RELN: variants seen among roughly 807,000 people sequenced by gnomAD.
RELN encodes the protein reelin.
RELN carries 108 observed loss-of-function variants against 427.6 expected under a neutral mutation model. The ratio of observed to expected loss-of-function variants is 0.25; its 90% CI spans 0.22 to 0.30. The LOEUF (loss-of-function observed/expected upper bound fraction) is 0.30, where lower values mean the gene tolerates loss of function less well. Among genes scored for constraint, RELN ranks in the 10% least tolerant of loss-of-function variants. The pLI is 1.00. For synonymous variants in RELN, 1,524 were observed against 1,513.4 expected, an observed-to-expected ratio of 1.01 and a Z score of -0.16; for missense variants, 3,715 against 4,302.8, an observed-to-expected ratio of 0.86 and a Z score of 3.82.
intron 48 of RELN, among the ~76,000 whole-genome samples, chr7:103,520,957 A>ATTTTTTTTTTTTTTTT (rs55830035): frequency 5.0e-5 from 4 of 79,210 alleles, no homozygotes; most frequent in South Asian, 4.6e-4. Context: ...TAAATTTGTT[A>ATTTTTTTTTTTTTTTT]TTTTTTTTTT....
chr7:103,608,830 G>A (rs2117284417), intron 22 of RELN, among the ~76,000 whole-genome samples: 1 of 152,262 alleles, frequency 6.6e-6, no homozygotes, highest in Admixed American at 6.5e-5. Flanking sequence ...AACCTGCAAA[G>A]GCTTTTCTGA....
rs182147708 is a variant in RELN at position 103,738,565 on chromosome 7, C to A, written c.657-10358G>T. On this transcript the variant is annotated intron_variant, in intron 6 of 64. Coordinates refer to ENST00000428762, the MANE Select transcript of RELN (RefSeq NM_005045.4). Reference sequence around the variant, plus strand: ...TGCCCTTTACCAGTCAACTCTCTGTCCCCGAAACAACTACTGATCTTATTT... The same window carrying A: ...TGCCCTTTACCAGTCAACTCTCTGTACCCGAAACAACTACTGATCTTATTT... Among the ~76,000 whole-genome samples, 90 of 151,970 alleles carry A rather than the reference C, an allele frequency of 5.9e-4. 1 individual carries two copies. Among genetic ancestry groups the A allele is most frequent in the South Asian group, 1.9e-3 (9 of 4,780 alleles).
chr7:103,674,259 T>G (rs1833460903), intron 11 of RELN, among the ~76,000 whole-genome samples: 1 of 152,204 alleles, frequency 6.6e-6, no homozygotes, highest in Admixed American at 6.5e-5. Flanking sequence ...CTCATAAAAT[T>G]TGTTCTAATT....
At chr7:103,907,414 GGAAAAAAAAAAAAAAAA>G (rs1372542929) in intron 2 of RELN, among the ~76,000 whole-genome samples, 12 of 39,714 alleles carry the variant, frequency 3.0e-4, no homozygotes, top group South Asian at 2.0e-3. Flanking sequence ...TCAAGGCTCT[GGAAAAAAAAAAAAAAAA>G]AAAAAAAAAA....
At chr7:103,921,903 A>G (rs190342438) in intron 1 of RELN, among the ~76,000 whole-genome samples, 2 of 152,146 alleles carry the variant, frequency 1.3e-5, no homozygotes, top group African/African-American at 4.8e-5. Flanking sequence ...TGCAGGTTCA[A>G]ATGTCATCTC....
At chr7:103,720,173 TTGTGTGTGTG>T (rs72036005) in intron 8 of RELN, among the ~76,000 whole-genome samples, 11 of 145,592 alleles carry the variant, frequency 7.6e-5, no homozygotes, top group South Asian at 4.4e-4. Context: ...TGTATAAACA[TTGTGTGTGTG>T]TGTGTGTGTG....
At chr7:103,658,588 C>T (rs1428991437) in intron 12 of RELN, among the ~76,000 whole-genome samples, 1 of 152,090 alleles carries the variant, frequency 6.6e-6, no homozygotes, top group Non-Finnish European at 1.5e-5. Context: ...CTAAAAACAC[C>T]TTTCCTGGGT....
chr7:103,500,207 T>C (rs1446270566), intron 53 of RELN, among the ~76,000 whole-genome samples: 2 of 152,224 alleles, frequency 1.3e-5, no homozygotes, highest in African/African-American at 4.8e-5. Flanking sequence ...GCATATTAAA[T>C]AATGATGTAA....
chr7:103,855,138 G>A (rs1212432176), intron 2 of RELN, among the ~76,000 whole-genome samples: 2 of 152,216 alleles, frequency 1.3e-5, no homozygotes, highest in Non-Finnish European at 2.9e-5. Context: ...AGCAGCATTT[G>A]AAACAGGTCT....
At chr7:103,568,830 A>C (rs1185163939) in intron 31 of RELN, among the ~76,000 whole-genome samples, 2 of 152,242 alleles carry the variant, frequency 1.3e-5, no homozygotes, top group Non-Finnish European at 2.9e-5. Context: ...AGATGATACT[A>C]GAAATGAAGC....
At chr7:103,856,859 A>G (rs1169319004) in intron 2 of RELN, among the ~76,000 whole-genome samples, 4 of 151,944 alleles carry the variant, frequency 2.6e-5, no homozygotes, top group African/African-American at 9.7e-5. Context: ...CGATTTATGT[A>G]CTTTTAATTT....
At chr7:103,556,822 G>A (rs906504206) in intron 38 of RELN, among the ~76,000 whole-genome samples, 155 bp downstream of exon 38, 3 of 152,124 alleles carry the variant, frequency 2.0e-5, no homozygotes, top group South Asian at 4.1e-4. Flanking sequence ...GCACGAAAAC[G>A]GACTAATACA....
At chr7:103,636,155 A>G (rs374174859) in intron 18 of RELN, 80 bp downstream of exon 18, 19 of 962,004 alleles carry the variant, frequency 2.0e-5, no homozygotes, top group African/African-American at 9.7e-5. Flanking sequence ...GAAAAAATAT[A>G]AGAAATAAAA....
chr7:103,601,838 G>T (rs1831676472), intron 24 of RELN, among the ~76,000 whole-genome samples: 1 of 152,164 alleles, frequency 6.6e-6, no homozygotes, highest in African/African-American at 2.4e-5. Context: ...CAATTTTAGT[G>T]ATTCTGGTTG....
chr7:103,609,156 A>G (rs1381068599), intron 22 of RELN, among the ~76,000 whole-genome samples: 1 of 151,184 alleles, frequency 6.6e-6, no homozygotes, highest in Non-Finnish European at 1.5e-5. Flanking sequence ...CCGGGAAATG[A>G]AGGCTGCAAT....
chr7:103,633,015 C>T (rs146154327), intron 19 of RELN, among the ~76,000 whole-genome samples: 1 of 151,986 alleles, frequency 6.6e-6, no homozygotes, highest in African/African-American at 2.4e-5. Context: ...AATAAAAATA[C>T]CAATTAGTTC....
rs1183648684 is a variant in RELN at position 103,495,676 on chromosome 7, C to T, written c.9369+47G>A. 6 of 1,579,232 alleles carry T rather than the reference C, an allele frequency of 3.8e-6. No homozygotes were observed. The African/African-American group carries it at 6.7e-5, about 18-fold the overall frequency. On this transcript the variant is annotated intron_variant, in intron 57 of 64. Transcript: ENST00000428762. ...CTGACTAACCATTCTCCCTCGAGGC[C>T]CCAAATGCAATGCTACTTTCTGTTT...
Position 103,988,337 on chromosome 7 carries a change from CA to C in RELN, c.226+793del, listed in dbSNP as rs1797145672. Among the ~76,000 whole-genome samples the C allele has an allele frequency of 6.6e-6, 1 of 152,070 alleles. No individual in the cohort carries two copies. Among genetic ancestry groups the C allele is most frequent in the Non-Finnish European group, 1.5e-5 (1 of 68,024 alleles). On this transcript the variant is annotated intron_variant, in intron 1 of 64. Transcript: ENST00000428762. The surrounding 1 kb of genome is among the most constrained non-coding windows in gnomAD (Gnocchi z 4.9). Reference sequence around the variant, plus strand: ...TCTTCTGTAATGTTTATTTTTGATGCAGGGCTGCATAATGATTCCATTTTTA... The same window carrying C: ...TCTTCTGTAATGTTTATTTTTGATGCGGGCTGCATAATGATTCCATTTTTA...
intron 1 of RELN, among the ~76,000 whole-genome samples, chr7:103,927,301 T>C (rs1481549625): frequency 6.6e-6 from 1 of 152,236 alleles, no homozygotes; most frequent in Non-Finnish European, 1.5e-5. Flanking sequence ...GAATTGTTCC[T>C]GTCCCTTTTA....
Sources: gnomAD v4.1 joint callset for allele counts (sites outside exome capture counted in the v4.1 genomes callset) on GRCh38, gnomAD v4.1.1 for gene constraint, Gnocchi (gnomAD v3.1) non-coding constraint, MANE v1.5 for transcripts, NCBI Gene and HGNC (gene_info 2026-07-23, HGNC 2026-07-21) for gene names.